Variants in GLP2R observed in about 807,000 individuals in gnomAD.
The protein encoded by GLP2R is glucagon like peptide 2 receptor.
A neutral mutation model predicts 68.2 loss-of-function variants in GLP2R; 59 were observed. The observed-to-expected ratio is 0.87, with a 90% CI of 0.70 to 1.07. The LOEUF (loss-of-function observed/expected upper bound fraction) is 1.07, where lower values mean the gene tolerates loss of function less well. Ranked by LOEUF, GLP2R falls within the 50% of genes least tolerant of loss-of-function variation. The pLI is 0.00. For missense variants in GLP2R, 548 were observed against 677.4 expected (o/e 0.81, Z 2.12); for synonymous variants, 270 against 265.4 (o/e 1.02, Z -0.17).
chr17:9,852,957 T>C lies in GLP2R; in HGVS notation c.505-1538T>C, dbSNP rs561666707. 4.1e-5 allele frequency: 20 copies of C among 489,208 alleles called. No individual in the cohort carries two copies. The Admixed American group carries it at 4.8e-4, about 12-fold the overall frequency. 30.3% of individuals were successfully genotyped at this position (489,208 alleles called of 1,614,324 possible). On this transcript the variant is annotated intron_variant, in intron 4 of 12. Coordinates refer to ENST00000262441, the MANE Select transcript of GLP2R (RefSeq NM_004246.3). ...CCTCTTCATCTTCTGACTCTGCATC[T>C]TCCTAAGTGCTGTCCACTAATAGGC...
chr17:9,866,531 C>T (rs943335420), intron 9 of GLP2R: 1 of 152,482 alleles, frequency 6.6e-6, no homozygotes. Flanking sequence ...TTAAAACAAC[C>T]TGGGGAGGAT....
chr17:9,875,009 C>T (rs1056812045), intron 10 of GLP2R, among the ~76,000 whole-genome samples: 32 of 152,136 alleles, frequency 2.1e-4, no homozygotes, highest in Admixed American at 1.3e-3. Flanking sequence ...TTTTCATTGG[C>T]CACCATTCTG....
At chr17:9,866,676 G>A (rs1342699004) in intron 9 of GLP2R, 1 of 152,164 alleles carries the variant, frequency 6.6e-6, no homozygotes, top group Non-Finnish European at 1.5e-5. Flanking sequence ...CACCTTCACT[G>A]GGCTTGGCTT....
intron 4 of GLP2R, chr17:9,852,598 T>C (rs1427513167): frequency 2.4e-5 from 4 of 169,486 alleles, no homozygotes; most frequent in East Asian, 3.5e-4. Context: ...AAAGTATGAA[T>C]AGAATTTAAT....
At chr17:9,861,933 A>T (rs2066991014) in intron 8 of GLP2R, 88 bp from the exon 9 acceptor site, 9 of 918,360 alleles carry the variant, frequency 9.8e-6, no homozygotes, top group Admixed American at 6.9e-5. Context: ...GAGTGCAAGC[A>T]TCCTTCTTCC....
chr17:9,872,432 CTGGGTGTGG>C (rs912634614), intron 10 of GLP2R, among the ~76,000 whole-genome samples: 14 of 152,230 alleles, frequency 9.2e-5, no homozygotes, highest in African/African-American at 2.9e-4. Flanking sequence ...CAAAAATTAG[CTGGGTGTGG>C]TGGTGTGTGC....
chr17:9,873,556 C>CTTTTTTTTTTTTTTTTT lies in GLP2R; in HGVS notation c.1145+2728_1145+2744dup, dbSNP rs3073988. ...GGATATCACAAAAACTATGCATGGA[C>CTTTTTTTTTTTTTTTTT]TTTTTTTTTTTTTTTTTTTTTTTAG... On this transcript the variant is annotated intron_variant, in intron 10 of 12. Transcript: ENST00000262441. Among the ~76,000 whole-genome samples, 13 of 52,058 alleles carry CTTTTTTTTTTTTTTTTT rather than the reference C, an allele frequency of 2.5e-4. 3 individuals carry two copies. The highest frequency in any genetic ancestry group is 3.7e-4 in the Non-Finnish European group (11 of 29,446). 34.2% of individuals were successfully genotyped at this position (52,058 alleles called of 152,430 possible).
rs1252984773 is a variant in GLP2R at position 9,836,463 on chromosome 17, T to C, written c.370T>C (p.Trp124Arg). 3 of 1,594,796 alleles carry C rather than the reference T, an allele frequency of 1.9e-6. No homozygotes were observed. Among genetic ancestry groups the C allele is most frequent in the African/African-American group, 2.7e-5 (2 of 74,528 alleles). ...VSVPCPSYLPWWSEESSGRAY... is the reference protein window; with the variant it reads ...VSVPCPSYLPRWSEESSGRAY... ...TGTACCCTGCCCTTCATACTTACCT[T>C]GGTGGAGTGAAGGTAATAAGTCTTA... The change falls in exon 3 of 13, where the codon TGG becomes CGG. Residue 124 changes from tryptophan to arginine, a missense_variant. Physicochemically the swap from Trp to Arg is moderately radical, Grantham distance 101. Transcript: ENST00000262441.
chr17:9,876,168 C>T (rs1212209084), intron 10 of GLP2R, among the ~76,000 whole-genome samples: 1 of 152,178 alleles, frequency 6.6e-6, no homozygotes, highest in African/African-American at 2.4e-5. Flanking sequence ...TGAGCCACTG[C>T]GCCCGGCCCG....
intron 4 of GLP2R, among the ~76,000 whole-genome samples, chr17:9,847,443 T>C (rs1446215758): frequency 6.6e-6 from 1 of 152,042 alleles, no homozygotes; most frequent in East Asian, 1.9e-4. Context: ...CAATGTTTTG[T>C]ATTTTTAGTG....
At chr17:9,878,390 T>C (rs1394169994) in intron 10 of GLP2R, among the ~76,000 whole-genome samples, 2 of 152,224 alleles carry the variant, frequency 1.3e-5, no homozygotes, top group Non-Finnish European at 2.9e-5. Flanking sequence ...TCAGTTACTA[T>C]CCATGGTCAC....
At chr17:9,868,947 C>A (rs1478422392) in intron 9 of GLP2R, among the ~76,000 whole-genome samples, 3 of 152,146 alleles carry the variant, frequency 2.0e-5, no homozygotes, top group South Asian at 2.1e-4. Flanking sequence ...GGCAGATATC[C>A]CATTAAAAGA....
rs377318269 is a variant in GLP2R, at chr17:9,870,810, A to G, written c.1120A>G (p.Met374Val). 8 of 1,563,912 alleles carry G rather than the reference A, an allele frequency of 5.1e-6. No individual in the cohort carries two copies. In the African/African-American group the frequency reaches 1.1e-4, roughly 21 times the overall value. Residue 374 changes from methionine to valine, a missense_variant, in exon 10 of 13, where the codon ATG becomes GTG. By Grantham distance (21) the Met-to-Val change is conservative (BLOSUM62 1). Coordinates refer to ENST00000262441, the MANE Select transcript of GLP2R (RefSeq NM_004246.3). ...LLISKLKAHQMCFRDYKYRLA... is the reference protein window; with the variant it reads ...LLISKLKAHQVCFRDYKYRLA... ...CATTTCTAAGCTCAAAGCTCATCAA[A>G]TGTGCTTCAGAGATTATAAATACAG...
intron 9 of GLP2R, among the ~76,000 whole-genome samples, chr17:9,868,944 A>G (rs17743050): frequency 0.21 from 31,492 of 152,224 alleles, 4,281 homozygotes; most frequent in Non-Finnish European, 0.31. Flanking sequence ...AGAGGCAGAT[A>G]TCCCATTAAA....
In GLP2R at chr17:9,890,049, T is replaced by C. The variant is rs1302330661; in HGVS notation, c.*344T>C. 1.1e-5 allele frequency: 5 copies of C among 468,628 alleles called. No individual in the cohort carries two copies. The Admixed American group carries it at 1.2e-4, about 11-fold the overall frequency. The allele number at this position is 468,628 out of a possible 1,614,324, so 29.0% of individuals were successfully genotyped here. A position where few individuals can be genotyped will look rare whatever the true frequency, so the allele number is the denominator to read the frequency against. ...AGAAGCCAGCCAATATCTCTTCCTT[T>C]ATCCCTTGGGGTGCATGCTTTCCAT... On this transcript the variant is annotated 3_prime_UTR_variant, in exon 13 of 13. Coordinates refer to ENST00000262441, the MANE Select transcript of GLP2R (RefSeq NM_004246.3).
intron 4 of GLP2R, among the ~76,000 whole-genome samples, chr17:9,843,069 C>G (rs923852639): frequency 7.9e-5 from 12 of 151,806 alleles, no homozygotes; most frequent in African/African-American, 2.7e-4. Flanking sequence ...CCTGCCCCTC[C>G]CTGAAATTCT....
intron 9 of GLP2R, among the ~76,000 whole-genome samples, chr17:9,863,385 T>G (rs1174357129): frequency 2.6e-5 from 4 of 152,242 alleles, no homozygotes; most frequent in Admixed American, 2.6e-4. Context: ...AGGTTTATTT[T>G]ACTGGTGAGC....
chr17:9,834,648 G>A (rs1478053797), intron 2 of GLP2R: 1 of 152,310 alleles, frequency 6.6e-6, no homozygotes, highest in Non-Finnish European at 1.5e-5. Context: ...CCCCGGCTCC[G>A]GCTGCTTTCA....
intron 10 of GLP2R, among the ~76,000 whole-genome samples, chr17:9,878,002 C>G (rs1422083784): frequency 6.6e-6 from 1 of 151,708 alleles, no homozygotes; most frequent in Non-Finnish European, 1.5e-5. Flanking sequence ...TTTAAAAAAC[C>G]ATAACACCAT....
Sources: gnomAD v4.1 joint callset for allele counts (sites outside exome capture counted in the v4.1 genomes callset) on GRCh38, gnomAD v4.1.1 for gene constraint, MANE v1.5 for transcripts, NCBI Gene and HGNC (gene_info 2026-07-23, HGNC 2026-07-21) for gene names.